The following APOOL variants were observed in gnomAD, a reference collection of about 807,000 sequenced individuals.
The protein encoded by APOOL is apolipoprotein O like, also known as MICOS complex subunit MIC27.
In APOOL, 12 loss-of-function variants were observed where a neutral mutation model predicts 23.1. That is an observed-to-expected ratio of 0.52 (90% CI 0.33 to 0.84). APOOL has a LOEUF of 0.84. Ranked by LOEUF, APOOL falls within the 40% of genes least tolerant of loss-of-function variation. The pLI, the probability that APOOL is intolerant of heterozygous loss-of-function variation, is 0.02. For synonymous variants in APOOL, 77 were observed against 69.9 expected (o/e 1.10, Z -0.51); for missense variants, 212 against 199.6 (o/e 1.06, Z -0.37).
chrX:85,023,390 T>G (rs1226757403), intron 1 of APOOL, among the ~76,000 whole-genome samples: 1 of 111,710 alleles, frequency 9.0e-6, no homozygotes, highest in Non-Finnish European at 1.9e-5. Context: ...ACTGAAAACT[T>G]TAAAACAGGG....
At chrX:85,019,467 A>G (rs1012605574) in intron 1 of APOOL, among the ~76,000 whole-genome samples, 1 of 112,231 alleles carries the variant, frequency 8.9e-6, no homozygotes, top group African/African-American at 3.2e-5. Context: ...AGCCTCCAGA[A>G]CTGTAAGCAA....
chrX:85,035,101 C>T (rs763270293), intron 1 of APOOL, among the ~76,000 whole-genome samples: 2 of 111,694 alleles, frequency 1.8e-5, no homozygotes, highest in Non-Finnish European at 3.8e-5. Context: ...TCCCTTTTCT[C>T]AGCAGCCTCA....
intron 1 of APOOL, among the ~76,000 whole-genome samples, chrX:85,015,012 T>C (rs146242111): frequency 0.015 from 1,656 of 110,921 alleles, 23 homozygotes; most frequent in African/African-American, 0.051. Context: ...GCTTTGTTCA[T>C]TTTTTTAGAT....
rs1924478713 is a variant in APOOL, at chrX:85,089,990, C to G, written c.*2312C>G. 1 of 107,496 alleles carries G rather than the reference C, an allele frequency of 9.3e-6. No individual in the cohort carries two copies. The highest frequency in any genetic ancestry group is 4.2e-4 in the South Asian group (1 of 2,404). 8.9% of individuals were successfully genotyped at this position (107,496 alleles called of 1,213,427 possible). A position where few individuals can be genotyped will look rare whatever the true frequency, so the allele number is the denominator to read the frequency against. On this transcript the variant is annotated 3_prime_UTR_variant, in exon 9 of 9. Transcript: ENST00000373173. ...GCAAAAAAAAAAAAAAAGGCCTATC[C>G]TATTTATAGCCTAGAATTAGGCAGT... is the stretch of plus-strand genomic sequence containing the variant.
intron 1 of APOOL, among the ~76,000 whole-genome samples, chrX:85,041,839 C>T (rs1424437420): frequency 1.8e-5 from 2 of 110,760 alleles, no homozygotes; most frequent in Non-Finnish European, 3.8e-5. Context: ...CCCCCCTTGT[C>T]TTCCTGCCAG....
In APOOL at chrX:85,051,398, T is replaced by C. The variant is rs1437689365; in HGVS notation, c.130T>C (p.Tyr44His). The stretch of plus-strand genomic sequence containing the variant: ...CATTTTTTGCCTGTAGCTCCCCATA[T>C]ATACTGCACCACCGCTCCAGTCTAA... ...QLVKPEQLPI[Y>H]TAPPLQSKYV... The change falls in exon 3 of 9, where the codon TAT becomes CAT. Residue 44 changes from tyrosine to histidine, a missense_variant. By Grantham distance (83) the Tyr-to-His change is moderately conservative. Coordinates refer to ENST00000373173, the MANE Select transcript of APOOL (RefSeq NM_198450.6). 1 of 1,208,203 alleles carries C rather than the reference T, an allele frequency of 8.3e-7. No individual in the cohort carries two copies. The highest frequency in any genetic ancestry group is 1.1e-6 in the Non-Finnish European group (1 of 894,614).
chrX:85,091,112 T>G lies in APOOL; in HGVS notation c.*3434T>G, dbSNP rs1048905726. 9.0e-6 allele frequency: 1 copy of G among 111,722 alleles called. No individual in the cohort carries two copies. Among genetic ancestry groups the G allele is most frequent in the Non-Finnish European group, 1.9e-5 (1 of 53,155 alleles). 9.2% of individuals were successfully genotyped at this position (111,722 alleles called of 1,213,427 possible). Reference sequence around the variant, plus strand: ...CAAAAAGTGCAAAATTAGCTAGGCGTGGTGGCTCATGCCTGTAATTCCAGC... The same window carrying G: ...CAAAAAGTGCAAAATTAGCTAGGCGGGGTGGCTCATGCCTGTAATTCCAGC... On this transcript the variant is annotated 3_prime_UTR_variant, in exon 9 of 9. Transcript: ENST00000373173.
chrX:85,005,123 C>A (rs1291000744), intron 1 of APOOL, among the ~76,000 whole-genome samples: 1 of 109,916 alleles, frequency 9.1e-6, no homozygotes, highest in African/African-American at 3.4e-5. Flanking sequence ...TGTCCTTGAT[C>A]TCCCCAGTCT....
chrX:85,077,016 T>TATATATATATATATATATATAC lies in APOOL; in HGVS notation c.718+2626_718+2627insTATATATATATATATATATACA, dbSNP rs1169194451. Among the ~76,000 whole-genome samples, 17 of 95,260 alleles carry TATATATATATATATATATATAC rather than the reference T, an allele frequency of 1.8e-4. No individual in the cohort carries two copies. The East Asian group carries it at 2.2e-3, about 12-fold the overall frequency. 82.7% of individuals were successfully genotyped at this position (95,260 alleles called of 115,157 possible). On this transcript the variant is annotated intron_variant, in intron 8 of 8. Transcript: ENST00000373173. ...AAACTTATATATATATATATATATA[T>TATATATATATATATATATATAC]ACGTATATATATGTATGTATATATA...
At chrX:85,076,994 CTT>C (rs1491504530) in intron 8 of APOOL, among the ~76,000 whole-genome samples, 5 of 73,081 alleles carry the variant, frequency 6.8e-5, no homozygotes, top group African/African-American at 3.4e-4. Context: ...ATTTGCTAAA[CTT>C]ATATATATAT....
chrX:85,059,536 C>T (rs1422725557), intron 5 of APOOL, among the ~76,000 whole-genome samples: 1 of 109,043 alleles, frequency 9.2e-6, no homozygotes, highest in Non-Finnish European at 1.9e-5. Flanking sequence ...CTCTCCAGCA[C>T]CTGTTGTTTC....
Position 85,092,231 on chromosome X carries a change from T to A in APOOL, c.*4553T>A, listed in dbSNP as rs1042682287. The A allele has an allele frequency of 7.4e-6, 4 of 537,802 alleles. No homozygotes were observed. In the African/African-American group the frequency reaches 9.3e-5, roughly 12 times the overall value. The allele number at this position is 537,802 out of a possible 1,213,427, so 44.3% of individuals were successfully genotyped here. On this transcript the variant is annotated 3_prime_UTR_variant, in exon 9 of 9. Coordinates refer to ENST00000373173, the MANE Select transcript of APOOL (RefSeq NM_198450.6). Reference sequence around the variant, plus strand: ...GAATATTGGTTTGGATAATGGAAAGTTGACTAGAGCTACAAAATCTGTTTC... The same window carrying A: ...GAATATTGGTTTGGATAATGGAAAGATGACTAGAGCTACAAAATCTGTTTC...
chrX:85,038,339 T>C (rs1166592515), intron 1 of APOOL, among the ~76,000 whole-genome samples: 1 of 110,159 alleles, frequency 9.1e-6, no homozygotes, highest in African/African-American at 3.3e-5. Flanking sequence ...TATCAGAGTA[T>C]TGGCCAGAAG....
Position 85,093,233 on chromosome X carries a change from A to G in APOOL, c.*5555A>G. On this transcript the variant is annotated 3_prime_UTR_variant, in exon 9 of 9. Transcript: ENST00000373173. ...CAGCTCCAATACCTAGGCCTTTTAA[A>G]TAGACAATGCAAAGTGAAAACTGCA... 2.6e-6 allele frequency: 3 copies of G among 1,161,680 alleles called. No homozygotes were observed. Among genetic ancestry groups the G allele is most frequent in the Non-Finnish European group, 3.5e-6 (3 of 868,905 alleles).
intron 1 of APOOL, among the ~76,000 whole-genome samples, chrX:85,032,937 T>G (rs1392088650): frequency 8.9e-6 from 1 of 112,052 alleles, no homozygotes; most frequent in Non-Finnish European, 1.9e-5. Context: ...CGTAACTCAG[T>G]ATCTTTAGTT....
At chrX:85,038,669 T>G (rs1246929872) in intron 1 of APOOL, among the ~76,000 whole-genome samples, 1 of 108,872 alleles carries the variant, frequency 9.2e-6, no homozygotes, top group Non-Finnish European at 1.9e-5. Context: ...ATTTATTTGT[T>G]TCTTCCAGGT....
intron 5 of APOOL, among the ~76,000 whole-genome samples, chrX:85,056,475 G>T (rs770597827): frequency 8.9e-6 from 1 of 111,980 alleles, no homozygotes; most frequent in South Asian, 3.7e-4. Flanking sequence ...CGGGCACAGT[G>T]GCTCACGCCT....
intron 1 of APOOL, among the ~76,000 whole-genome samples, chrX:85,036,820 C>T (rs944602766): frequency 5.4e-5 from 6 of 110,627 alleles, no homozygotes; most frequent in Middle Eastern, 4.7e-3. Context: ...ACACTGTACC[C>T]AGTATGTAGT....
intron 4 of APOOL, 96 bp from the exon 5 acceptor site, chrX:85,055,731 A>G (rs903797560): frequency 8.9e-6 from 5 of 562,517 alleles, no homozygotes; most frequent in Admixed American, 9.8e-5. Flanking sequence ...CCTCATTATT[A>G]TCTTAGCAAA....
Sources: gnomAD v4.1 joint callset for allele counts (sites outside exome capture counted in the v4.1 genomes callset) on GRCh38, gnomAD v4.1.1 for gene constraint, MANE v1.5 for transcripts, NCBI Gene and HGNC (gene_info 2026-07-23, HGNC 2026-07-21) for gene names.